Variants in GRM7 observed in about 807,000 individuals in gnomAD.
GRM7 encodes metabotropic glutamate receptor 7.
A neutral mutation model predicts 84.5 loss-of-function variants in GRM7; 35 were observed. The observed-to-expected ratio is 0.41, with a 90% CI of 0.32 to 0.55. The LOEUF is 0.55. GRM7 is among the 20% of genes least tolerant of loss of function. The probability of loss-of-function intolerance (pLI) is 0.19; values close to 1 mark genes in which losing one functional copy is unlikely to be tolerated. For missense variants in GRM7, 1,003 were observed against 1,194.6 expected, an observed-to-expected ratio of 0.84 and a Z score of 2.36; for synonymous variants, 487 against 455.1, an observed-to-expected ratio of 1.07 and a Z score of -0.89.
chr3:7,499,773 C>A (rs950729190), intron 7 of GRM7, among the ~76,000 whole-genome samples: 1 of 145,864 alleles, frequency 6.9e-6, no homozygotes, highest in African/African-American at 2.7e-5. Context: ...GGCCTAGACA[C>A]CATTCTTTTT....
intron 5 of GRM7, among the ~76,000 whole-genome samples, chr3:7,441,356 A>G (rs1007355000): frequency 6.6e-6 from 1 of 152,016 alleles, no homozygotes; most frequent in Non-Finnish European, 1.5e-5. Flanking sequence ...TTGCTTGTTA[A>G]TTTATTTAAG....
intron 1 of GRM7, among the ~76,000 whole-genome samples, chr3:7,116,439 C>A (rs1422355215): frequency 6.6e-6 from 1 of 152,118 alleles, no homozygotes; most frequent in Non-Finnish European, 1.5e-5. Context: ...TCTGGCTGAT[C>A]AGTGGGAAAG....
At chr3:7,041,304 T>C (rs2124941557) in intron 1 of GRM7, among the ~76,000 whole-genome samples, 1 of 152,260 alleles carries the variant, frequency 6.6e-6, no homozygotes, top group African/African-American at 2.4e-5. Context: ...CCTTCCACCT[T>C]CCCATTCCCA....
At chr3:7,689,592 T>C (rs1481983347) in intron 9 of GRM7, among the ~76,000 whole-genome samples, 1 of 152,206 alleles carries the variant, frequency 6.6e-6, no homozygotes, top group African/African-American at 2.4e-5. Flanking sequence ...ATCCAATTAA[T>C]ATCTGCCGTC....
At chr3:7,176,229 T>TAAAAAAAAAAA (rs55732650) in intron 2 of GRM7, among the ~76,000 whole-genome samples, 26 of 63,144 alleles carry the variant, frequency 4.1e-4, no homozygotes, top group Admixed American at 7.3e-4. Context: ...CTATAAAAAG[T>TAAAAAAAAAAA]AAAAAAAAAA....
intron 5 of GRM7, among the ~76,000 whole-genome samples, chr3:7,450,442 A>G (rs1239053037): frequency 1.3e-5 from 2 of 152,152 alleles, no homozygotes; most frequent in Admixed American, 6.6e-5. Context: ...ATTCTTCCCC[A>G]AAATACTCAG....
chr3:7,630,315 G>T (rs3792451), intron 8 of GRM7, among the ~76,000 whole-genome samples: 30,501 of 151,984 alleles, frequency 0.2, 3,303 homozygotes, highest in Middle Eastern at 0.35. Context: ...TGTCTGATTA[G>T]ATGCAAACAA....
intron 4 of GRM7, among the ~76,000 whole-genome samples, chr3:7,352,451 T>C (rs1053551315): frequency 6.6e-6 from 1 of 152,084 alleles, no homozygotes; most frequent in African/African-American, 2.4e-5. Context: ...AGGCTCCAGA[T>C]GCACATACAT....
Position 7,165,507 on chromosome 3 carries a change from T to C in GRM7, c.736+18839T>C, listed in dbSNP as rs535803633. ...TTTAAATGTTTGGTTCAAATTTCTA[T>C]ATGGTTTTCTGCTTTCTGTCAGAAA... On this transcript the variant is annotated intron_variant, in intron 2 of 9. Coordinates refer to ENST00000357716, the MANE Select transcript of GRM7 (RefSeq NM_000844.4). Among the ~76,000 whole-genome samples the C allele has an allele frequency of 5.9e-5, 9 of 152,372 alleles. No homozygotes were observed. In the South Asian group the frequency reaches 1.2e-3, roughly 21 times the overall value.
intron 1 of GRM7, among the ~76,000 whole-genome samples, chr3:7,088,955 C>T (rs777221442): frequency 1.9e-4 from 29 of 152,048 alleles, no homozygotes; most frequent in South Asian, 4.1e-4. Flanking sequence ...CTCTTCAGTT[C>T]CCAATTTGTT....
chr3:7,092,669 A>G (rs1698711359), intron 1 of GRM7, among the ~76,000 whole-genome samples: 1 of 152,140 alleles, frequency 6.6e-6, no homozygotes, highest in South Asian at 2.1e-4. Flanking sequence ...GGTATGCTCA[A>G]GTCAGAAGAC....
chr3:7,346,543 C>A (rs1000885984), intron 4 of GRM7, among the ~76,000 whole-genome samples: 3 of 152,066 alleles, frequency 2.0e-5, no homozygotes, highest in African/African-American at 4.8e-5. Flanking sequence ...GCAAAGAGAA[C>A]AATTACTCCC....
intron 1 of GRM7, among the ~76,000 whole-genome samples, chr3:7,015,162 C>T (rs1187954761): frequency 4.0e-5 from 6 of 151,840 alleles, no homozygotes. Flanking sequence ...CAGTGGCAAC[C>T]TGCTTGGGTC....
chr3:7,568,708 C>T (rs35179127), intron 7 of GRM7, among the ~76,000 whole-genome samples: 5,935 of 152,256 alleles, frequency 0.039, 175 homozygotes, highest in Middle Eastern at 0.082. Flanking sequence ...CCGGCCCTGC[C>T]GGCCCTGGGC....
At chr3:7,400,572 C>G (rs1285633035) in intron 4 of GRM7, among the ~76,000 whole-genome samples, 1 of 152,192 alleles carries the variant, frequency 6.6e-6, no homozygotes, top group African/African-American at 2.4e-5. Context: ...TTTGTGCTTG[C>G]TGTAATTCTC....
chr3:6,983,397 C>G (rs760753154), intron 1 of GRM7, among the ~76,000 whole-genome samples: 1 of 152,072 alleles, frequency 6.6e-6, no homozygotes, highest in Non-Finnish European at 1.5e-5. Flanking sequence ...GAAAGCTCCT[C>G]GGGTTTCTGT....
chr3:7,645,128 A>G (rs1251262381), intron 8 of GRM7, among the ~76,000 whole-genome samples: 1 of 152,148 alleles, frequency 6.6e-6, no homozygotes, highest in Non-Finnish European at 1.5e-5. Flanking sequence ...CTACCACCAG[A>G]CAGGAGGAAT....
At chr3:7,440,375 A>G (rs746520272) in intron 5 of GRM7, among the ~76,000 whole-genome samples, 1 of 152,180 alleles carries the variant, frequency 6.6e-6, no homozygotes, top group Non-Finnish European at 1.5e-5. Flanking sequence ...AGTCACACAG[A>G]GAAAATAATG....
chr3:7,078,411 C>A (rs73029543), intron 1 of GRM7, among the ~76,000 whole-genome samples: 25,303 of 152,128 alleles, frequency 0.17, 2,472 homozygotes, highest in South Asian at 0.23. Flanking sequence ...GCTGCTGCTG[C>A]TGATGATGAT....
Sources: gnomAD v4.1 joint callset for allele counts (sites outside exome capture counted in the v4.1 genomes callset) on GRCh38, gnomAD v4.1.1 for gene constraint, MANE v1.5 for transcripts, NCBI Gene and HGNC (gene_info 2026-07-23, HGNC 2026-07-21) for gene names.